Variants in DCAF12 observed in about 807,000 individuals in gnomAD.
DCAF12 encodes DDB1 and CUL4 associated factor 12.
A neutral mutation model predicts 52.8 loss-of-function variants in DCAF12; 28 were observed. That is an observed-to-expected ratio of 0.53 (90% CI 0.39 to 0.73). The LOEUF (loss-of-function observed/expected upper bound fraction) is 0.73. DCAF12 is among the 30% of genes least tolerant of loss of function. The pLI, the probability that DCAF12 is intolerant of heterozygous loss-of-function variation, is 0.00. For synonymous variants in DCAF12, 196 were observed against 215.5 expected (o/e 0.91, Z 0.79); for missense variants, 425 against 552.2 (o/e 0.77, Z 2.31).
intron 4 of DCAF12, among the ~76,000 whole-genome samples, chr9:34,104,355 G>C (rs1217373442): frequency 6.6e-6 from 1 of 152,016 alleles, no homozygotes; most frequent in African/African-American, 2.4e-5. Flanking sequence ...CAGAGACAAG[G>C]GCACATCTGG....
At chr9:34,100,348 G>A (rs939817460) in intron 4 of DCAF12, among the ~76,000 whole-genome samples, 5 of 150,208 alleles carry the variant, frequency 3.3e-5, no homozygotes, top group Non-Finnish European at 7.4e-5. Context: ...ACAGAGGCCC[G>A]TCACCACGCC....
In DCAF12 at chr9:34,090,948, G is replaced by A. The variant is rs541773071; in HGVS notation, c.1025-1358C>T. On this transcript the variant is annotated intron_variant, in intron 7 of 8. Transcript: ENST00000361264. ...GCTGGGATTACAGGCATCAGCCACCGTGCCCGGCCCTATTTATTCCTTTCT... is the reference window on the plus strand; with the variant it reads ...GCTGGGATTACAGGCATCAGCCACCATGCCCGGCCCTATTTATTCCTTTCT... Among the ~76,000 whole-genome samples, 23 of 151,806 alleles carry A rather than the reference G, an allele frequency of 1.5e-4. No homozygotes were observed. The South Asian group carries it at 4.6e-3, about 31-fold the overall frequency.
chr9:34,107,391 G>A lies in DCAF12; in HGVS notation c.508C>T (p.Leu170=). The change falls in exon 3 of 9, where the codon CTA becomes TTA. Residue 170 remains leucine, a synonymous_variant. Transcript: ENST00000361264. The stretch of plus-strand genomic sequence containing the variant: ...ACACACACAGGATCCAGCGTAGGTA[G>A]TCGATAGATGGCAAGACTGTTGGGG... ...DNPNSLAIYR[L]PTLDPVCVGD... 6.2e-7 allele frequency: 1 copy of A among 1,614,176 alleles called. No individual in the cohort carries two copies. The highest frequency in any genetic ancestry group is 8.5e-7 in the Non-Finnish European group (1 of 1,180,044).
In DCAF12 at chr9:34,098,435, C is replaced by A; in HGVS notation, c.684G>T (p.Arg228=). Residue 228 remains arginine, a synonymous_variant, in exon 5 of 9, where the codon CGG becomes CGT. Transcript: ENST00000361264. The part of the protein sequence containing the change: ...TKSDARHNVS[R]VPVYAHITHK... ...GAGTGATGTGTGCATACACAGGGAC[C>A]CGTGACACATTGTGTCTCGCATCAC... 1 of 1,614,126 alleles carries A rather than the reference C, an allele frequency of 6.2e-7. No homozygotes were observed. The highest frequency in any genetic ancestry group is 1.1e-5 in the South Asian group (1 of 91,074).
intron 2 of DCAF12, among the ~76,000 whole-genome samples, chr9:34,114,790 C>A (rs1369601089): frequency 1.3e-5 from 2 of 151,984 alleles, no homozygotes; most frequent in Non-Finnish European, 2.9e-5. Flanking sequence ...AATGAGTGTA[C>A]ACAAAGACAA....
chr9:34,091,347 G>C (rs1035620742), intron 7 of DCAF12, among the ~76,000 whole-genome samples: 1 of 151,736 alleles, frequency 6.6e-6, no homozygotes, highest in African/African-American at 2.4e-5. Context: ...CAACAAAAAA[G>C]AAATAGCTGG....
intron 6 of DCAF12, chr9:34,093,718 A>C (rs1828687670): frequency 5.6e-6 from 2 of 359,874 alleles, no homozygotes; most frequent in Non-Finnish European, 1.0e-5. Context: ...TGGAAAGGCC[A>C]AGGCCTTTCT....
intron 2 of DCAF12, among the ~76,000 whole-genome samples, chr9:34,110,588 C>G (rs1000581533): frequency 6.6e-6 from 1 of 152,190 alleles, no homozygotes. Context: ...AGATACTTAG[C>G]ATGGCATTAA....
At chr9:34,115,502 G>A (rs1564101664) in intron 2 of DCAF12, among the ~76,000 whole-genome samples, 1 of 142,916 alleles carries the variant, frequency 7.0e-6, no homozygotes, top group Admixed American at 7.3e-5. Flanking sequence ...GGGAGGCTGA[G>A]GCAGGAGAAT....
chr9:34,087,029 G>C lies in DCAF12; in HGVS notation c.*1321C>G, dbSNP rs41313782. 1 of 152,194 alleles carries C rather than the reference G, an allele frequency of 6.6e-6. No individual in the cohort carries two copies. The highest frequency in any genetic ancestry group is 2.4e-5 in the African/African-American group (1 of 41,452). 9.4% of individuals were successfully genotyped at this position (152,194 alleles called of 1,614,324 possible). ...GAACAAGTGGACATCACAGTCAGCT[G>C]CCTGCAAGTTTAAAAACCTCAGACT... On this transcript the variant is annotated 3_prime_UTR_variant, in exon 9 of 9. Transcript: ENST00000361264.
chr9:34,091,555 G>A (rs1257980817), intron 7 of DCAF12, among the ~76,000 whole-genome samples: 2 of 147,502 alleles, frequency 1.4e-5, no homozygotes, highest in African/African-American at 5.0e-5. Context: ...AGGACTGCTT[G>A]AGCCTGGCAG....
intron 2 of DCAF12, among the ~76,000 whole-genome samples, chr9:34,120,952 G>A (rs1361123118): frequency 3.9e-5 from 6 of 151,946 alleles, no homozygotes; most frequent in Non-Finnish European, 4.4e-5. Context: ...TCAGGAGTTC[G>A]AGACCAGCCT....
At chr9:34,118,964 C>T (rs1461183179) in intron 2 of DCAF12, among the ~76,000 whole-genome samples, 1 of 151,908 alleles carries the variant, frequency 6.6e-6, no homozygotes, top group Non-Finnish European at 1.5e-5. Context: ...GACCCTGTCT[C>T]AAAAAAGAAA....
intron 6 of DCAF12, among the ~76,000 whole-genome samples, chr9:34,095,561 A>G (rs1363886375): frequency 6.6e-6 from 1 of 151,104 alleles, no homozygotes; most frequent in Admixed American, 6.6e-5. Flanking sequence ...CTAATTTTTA[A>G]ATTTTGTTGC....
chr9:34,088,380 G>A lies in DCAF12; in HGVS notation c.1332C>T (p.Leu444=). The change falls in exon 9 of 9, where the codon CTC becomes CTT. Residue 444 remains leucine (L), a synonymous_variant. Coordinates refer to ENST00000361264, the MANE Select transcript of DCAF12 (RefSeq NM_015397.4). ...FVAGGPLPSG[L]HGNYAGLWS is the part of the protein sequence containing the mutation. ...TCCAGAGCCCAGCATAGTTTCCATG[G>A]AGCCCTGAAGGGAGGGGACCTCCTG... 1.2e-6 allele frequency: 2 copies of A among 1,608,310 alleles called. No homozygotes were observed. Among genetic ancestry groups the A allele is most frequent in the Non-Finnish European group, 1.7e-6 (2 of 1,177,332 alleles).
At position 34,119,553 on chromosome 9, in the gene DCAF12, G is replaced by A. The variant is rs560957357; in HGVS notation, c.333+5470C>T. 2.6e-4 allele frequency among the ~76,000 whole-genome samples: 40 copies of A among 152,182 alleles called. 1 individual carries two copies. Among genetic ancestry groups the A allele is most frequent in the Non-Finnish European group, 4.1e-4 (28 of 68,014 alleles). The stretch of plus-strand genomic sequence containing the variant: ...TTTATCACTATTTACTTAAGTATTC[G>A]ATTGTTAGTATTTAGATTAAGTAGC... On this transcript the variant is annotated intron_variant, in intron 2 of 8. Transcript: ENST00000361264.
intron 2 of DCAF12, among the ~76,000 whole-genome samples, chr9:34,122,537 C>T (rs1024201469): frequency 7.0e-6 from 1 of 142,062 alleles, no homozygotes; most frequent in Non-Finnish European, 1.5e-5. Flanking sequence ...AGTAGAATGG[C>T]ACAATCTCAG....
At chr9:34,097,345 C>T (rs1388836218) in intron 5 of DCAF12, among the ~76,000 whole-genome samples, 1 of 150,036 alleles carries the variant, frequency 6.7e-6, no homozygotes, top group Non-Finnish European at 1.5e-5. Context: ...CACTGCCAAC[C>T]TCCACCTCCT....
In DCAF12 at chr9:34,125,005, A is replaced by T. The variant is rs1829224909; in HGVS notation, c.333+18T>A. 1 of 1,611,852 alleles carries T rather than the reference A, an allele frequency of 6.2e-7. No homozygotes were observed. The highest frequency in any genetic ancestry group is 1.3e-5 in the African/African-American group (1 of 74,854). On this transcript the variant is annotated intron_variant, in intron 2 of 8. Coordinates refer to ENST00000361264, the MANE Select transcript of DCAF12 (RefSeq NM_015397.4). Reference sequence around the variant, plus strand: ...ATCCACGACCTAGGAGAGAGGTCACATCCCCCCAGGCACTTACCGTGTTGC... The same window carrying T: ...ATCCACGACCTAGGAGAGAGGTCACTTCCCCCCAGGCACTTACCGTGTTGC...
Sources: allele counts gnomAD v4.1 joint callset (sites outside exome capture counted in the v4.1 genomes callset), GRCh38; gene constraint gnomAD v4.1.1; transcripts MANE v1.5; gene names NCBI Gene and HGNC (gene_info 2026-07-23, HGNC 2026-07-21).